Variants in RIMS2 observed in about 807,000 individuals in gnomAD.
RIMS2 encodes the protein regulating synaptic membrane exocytosis protein 2.
RIMS2 carries 59 observed loss-of-function variants against 174.4 expected under a neutral mutation model. The ratio of observed to expected loss-of-function variants is 0.34; its 90% CI spans 0.27 to 0.42. The LOEUF (loss-of-function observed/expected upper bound fraction) is 0.42, where lower values mean the gene tolerates loss of function less well. Ranked by LOEUF, RIMS2 falls within the 10% of genes least tolerant of loss-of-function variation. The pLI is 1.00. For synonymous variants in RIMS2, 606 were observed against 572.5 expected (o/e 1.06, Z -0.84); for missense variants, 1,620 against 1,666.3 (o/e 0.97, Z 0.48).
chr8:103,618,197 G>C (rs2095550685), intron 1 of RIMS2, among the ~76,000 whole-genome samples: 1 of 152,086 alleles, frequency 6.6e-6, no homozygotes, highest in Non-Finnish European at 1.5e-5. Flanking sequence ...AGCATGGATG[G>C]AGCTGGAGGC....
chr8:103,750,807 C>T (rs1380832037), intron 2 of RIMS2, among the ~76,000 whole-genome samples: 3 of 152,114 alleles, frequency 2.0e-5, no homozygotes, highest in Non-Finnish European at 4.4e-5. Context: ...TGAGGCTTCA[C>T]CAGCAAAGTG....
intron 2 of RIMS2, among the ~76,000 whole-genome samples, chr8:103,749,437 C>T (rs984367159): frequency 1.3e-5 from 2 of 152,118 alleles, no homozygotes; most frequent in Non-Finnish European, 2.9e-5. Context: ...AAAAACTAAA[C>T]TCTCTTTCTT....
intron 14 of RIMS2, among the ~76,000 whole-genome samples, chr8:103,951,483 T>TG (rs1362668728): frequency 6.6e-6 from 1 of 152,184 alleles, no homozygotes; most frequent in Admixed American, 6.5e-5. Context: ...GATGGGGCGT[T>TG]GCCTCACCCA....
chr8:104,241,613 T>C (rs1287075323), intron 19 of RIMS2, among the ~76,000 whole-genome samples: 1 of 152,164 alleles, frequency 6.6e-6, no homozygotes, highest in Non-Finnish European at 1.5e-5. Flanking sequence ...TCATTCCACA[T>C]GCTCAAATGT....
At chr8:103,800,018 G>A (rs2098595258) in intron 3 of RIMS2, among the ~76,000 whole-genome samples, 1 of 152,170 alleles carries the variant, frequency 6.6e-6, no homozygotes, top group South Asian at 2.1e-4. Flanking sequence ...TTGTGGACAT[G>A]ATGAAGTATG....
At chr8:104,114,499 A>C (rs2098247378) in intron 19 of RIMS2, among the ~76,000 whole-genome samples, 2 of 152,010 alleles carry the variant, frequency 1.3e-5, no homozygotes, top group Non-Finnish European at 2.9e-5. Context: ...AGATGTTGAA[A>C]GGATTAGGTA....
intron 19 of RIMS2, among the ~76,000 whole-genome samples, chr8:104,205,490 A>AGTATCT (rs2099075439): frequency 1.0e-5 from 1 of 96,226 alleles, no homozygotes; most frequent in African/African-American, 4.1e-5. Context: ...AATTTTGTGA[A>AGTATCT]GTGTCTGTGT....
chr8:103,678,969 A>G (rs2096847462), intron 1 of RIMS2, among the ~76,000 whole-genome samples: 1 of 152,068 alleles, frequency 6.6e-6, no homozygotes, highest in Non-Finnish European at 1.5e-5. Flanking sequence ...GATGTCAATT[A>G]TCCTAAAAGT....
At chr8:103,818,394 A>G (rs978109322) in intron 3 of RIMS2, among the ~76,000 whole-genome samples, 1 of 152,214 alleles carries the variant, frequency 6.6e-6, no homozygotes, top group South Asian at 2.1e-4. Flanking sequence ...TGTTATGGAA[A>G]GATGGATGTA....
At chr8:103,913,287 T>G (rs939964334) in intron 6 of RIMS2, among the ~76,000 whole-genome samples, 1 of 151,706 alleles carries the variant, frequency 6.6e-6, no homozygotes, top group Admixed American at 6.6e-5. Flanking sequence ...CCAAAAAATT[T>G]TAAATTAGTT....
chr8:104,061,645 T>C (rs904913803), intron 19 of RIMS2, among the ~76,000 whole-genome samples: 9 of 149,758 alleles, frequency 6.0e-5, no homozygotes, highest in South Asian at 4.2e-4. Context: ...TATATATTTA[T>C]ATTTAAAATT....
chr8:103,929,857 CT>C (rs1274012577), intron 11 of RIMS2, among the ~76,000 whole-genome samples: 1 of 151,698 alleles, frequency 6.6e-6, no homozygotes, highest in African/African-American at 2.4e-5. Context: ...ATTTTGGAGA[CT>C]TTTTTCTTCA....
intron 2 of RIMS2, among the ~76,000 whole-genome samples, chr8:103,725,158 A>G (rs1479103313): frequency 6.6e-6 from 1 of 152,170 alleles, no homozygotes; most frequent in Admixed American, 6.5e-5. Context: ...TTGTTACACC[A>G]GTGGAGTTAG....
chr8:103,562,736 C>G (rs1415455438), intron 1 of RIMS2, among the ~76,000 whole-genome samples: 1 of 152,230 alleles, frequency 6.6e-6, no homozygotes, highest in Non-Finnish European at 1.5e-5. Flanking sequence ...CATTTCCTTT[C>G]TCCACTGCCC....
At chr8:104,176,096 C>T (rs2098890822) in intron 19 of RIMS2, among the ~76,000 whole-genome samples, 1 of 152,114 alleles carries the variant, frequency 6.6e-6, no homozygotes, top group South Asian at 2.1e-4. Flanking sequence ...ATCTCGAGTT[C>T]CTCACACCAT....
chr8:103,601,591 G>A (rs989456865), intron 1 of RIMS2, among the ~76,000 whole-genome samples: 1 of 151,960 alleles, frequency 6.6e-6, no homozygotes, highest in Non-Finnish European at 1.5e-5. Context: ...GTAGGCAACA[G>A]ATCATGGAGT....
At chr8:103,651,054 G>A (rs1197811553) in intron 1 of RIMS2, among the ~76,000 whole-genome samples, 2 of 152,218 alleles carry the variant, frequency 1.3e-5, no homozygotes, top group African/African-American at 4.8e-5. Context: ...TGTCTAAGCA[G>A]CCGCTCTGCC....
intron 1 of RIMS2, among the ~76,000 whole-genome samples, chr8:103,554,267 G>A (rs1301885821): frequency 6.6e-6 from 1 of 152,236 alleles, no homozygotes; most frequent in East Asian, 1.9e-4. Context: ...TACAGAATGG[G>A]AGAAAATATT....
At chr8:103,975,361 G>T in exon 16 of RIMS2, 1 of 1,610,808 alleles carries the variant, frequency 6.2e-7, no homozygotes, top group Non-Finnish European at 8.5e-7. Context: ...TTATCGACAT[G>T]ATGGTCGAGA....
Sources: gnomAD v4.1 joint callset for allele counts (sites outside exome capture counted in the v4.1 genomes callset) on GRCh38, gnomAD v4.1.1 for gene constraint, MANE v1.5 for transcripts, NCBI Gene and HGNC (gene_info 2026-07-23, HGNC 2026-07-21) for gene names.